The following ADGRL2 variants were observed in gnomAD, a reference collection of about 807,000 sequenced individuals.
ADGRL2 encodes calcium-independent alpha-latrotoxin receptor 2.
Under a neutral mutation model 157.4 loss-of-function variants are expected in ADGRL2, and 44 were observed. The observed-to-expected ratio is 0.28, with a 90% CI of 0.22 to 0.36. The LOEUF (loss-of-function observed/expected upper bound fraction) is 0.36, where lower values mean the gene tolerates loss of function less well. ADGRL2 is among the 10% of genes least tolerant of loss of function. The pLI is 1.00. For missense variants in ADGRL2, 1,510 were observed against 1,768.9 expected (o/e 0.85, Z 2.63); for synonymous variants, 585 against 624.7 (o/e 0.94, Z 0.95).
chr1:81,968,077 A>G lies in ADGRL2; in HGVS notation c.2401A>G (p.Thr801Ala), dbSNP rs754804002. 6.2e-7 allele frequency: 1 copy of G among 1,613,908 alleles called. No individual in the cohort carries two copies. ...CTCCTTCTGGAACTACTCAGAGAGA[A>G]CTATGATGGGATATTGGTCTACCCA... ...NCSFWNYSER[T>A]MMGYWSTQGC... Residue 801 changes from threonine (T) to alanine (A), a missense_variant, in exon 14 of 24, where the codon ACT becomes GCT. By Grantham distance (58) the Thr-to-Ala change is moderately conservative. Coordinates refer to ENST00000686636, the MANE Select transcript of ADGRL2 (RefSeq NM_001366006.2).
chr1:81,838,899 C>T (rs1241587256), intron 2 of ADGRL2, among the ~76,000 whole-genome samples: 5 of 151,730 alleles, frequency 3.3e-5, no homozygotes, highest in Non-Finnish European at 5.9e-5. Flanking sequence ...TTCCCTCCTA[C>T]GGGTAAAAAG....
intron 1 of ADGRL2, among the ~76,000 whole-genome samples, chr1:81,753,602 A>G (rs1025330394): frequency 5.9e-5 from 9 of 152,242 alleles, no homozygotes; most frequent in Non-Finnish European, 1.2e-4. Context: ...AGAAAATAGA[A>G]TAATTTTCTT....
intron 10 of ADGRL2, among the ~76,000 whole-genome samples, 200 bp downstream of exon 10, chr1:81,953,225 T>G (rs1652413135): frequency 6.6e-6 from 1 of 152,210 alleles, no homozygotes; most frequent in Admixed American, 6.5e-5. Flanking sequence ...ATTTCTGCTG[T>G]TTTTCCATTC....
chr1:81,534,442 G>A (rs1190273600), intron 2 of ADGRL2, among the ~76,000 whole-genome samples: 9 of 152,142 alleles, frequency 5.9e-5, no homozygotes, highest in African/African-American at 9.7e-5. Flanking sequence ...GGTTACAGGC[G>A]TTAGCCACCG....
chr1:81,515,555 A>T lies in ADGRL2; in HGVS notation c.-247-65321A>T, dbSNP rs575472489. On this transcript the variant is annotated intron_variant, in intron 2 of 24. Coordinates refer to the ADGRL2 transcript ENST00000370721. The stretch of plus-strand genomic sequence containing the variant: ...ATAGTAGTTGGTCATTCACTTTGCT[A>T]TGTGACTTGTATATGTGGGCTCTTT... Among the ~76,000 whole-genome samples the T allele has an allele frequency of 6.6e-5, 10 of 151,930 alleles. No individual in the cohort carries two copies. The South Asian group carries it at 2.1e-3, about 32-fold the overall frequency.
chr1:81,565,220 T>C (rs2080531075), intron 2 of ADGRL2, among the ~76,000 whole-genome samples: 1 of 152,164 alleles, frequency 6.6e-6, no homozygotes, highest in African/African-American at 2.4e-5. Context: ...AGTGCTACTA[T>C]GAAGTTTAAA....
At chr1:81,763,833 C>T (rs1368973265) in intron 2 of ADGRL2, among the ~76,000 whole-genome samples, 1 of 151,836 alleles carries the variant, frequency 6.6e-6, no homozygotes, top group Non-Finnish European at 1.5e-5. Context: ...ATGGTGAAAC[C>T]CCGTCTCTAC....
intron 3 of ADGRL2, among the ~76,000 whole-genome samples, chr1:81,622,353 C>G (rs1391774983): frequency 6.6e-6 from 1 of 152,118 alleles, no homozygotes; most frequent in Non-Finnish European, 1.5e-5. Flanking sequence ...GAGGCCGAGG[C>G]TGGCGGATCA....
intron 2 of ADGRL2, among the ~76,000 whole-genome samples, chr1:81,773,022 T>A (rs1226960307): frequency 1.3e-5 from 2 of 152,184 alleles, no homozygotes; most frequent in Non-Finnish European, 2.9e-5. Context: ...AGAAAGGAGT[T>A]GTGTTCTCAC....
rs560727403 is a variant in ADGRL2, at chr1:81,374,335, G to A, written c.-302+67826G>A. 2.1e-3 allele frequency among the ~76,000 whole-genome samples: 322 copies of A among 152,194 alleles called. 2 individuals are homozygous for A. Among genetic ancestry groups the A allele is most frequent in the Admixed American group, 5.4e-3 (82 of 15,286 alleles). On this transcript the variant is annotated intron_variant, in intron 1 of 24. Coordinates refer to the ADGRL2 transcript ENST00000370721. ...CCTATAAATCCCAGCACTTTGGGAG[G>A]CCGAGGCGGGTGGATCACCTGAGGT...
In ADGRL2 at chr1:81,993,072, TATATA is replaced by T. The variant is rs1664842001; in HGVS notation, c.*1928_*1932del. 1.6e-4 allele frequency among the ~76,000 whole-genome samples: 5 copies of T among 30,362 alleles called. No homozygotes were observed. Among genetic ancestry groups the T allele is most frequent in the East Asian group, 9.7e-4 (1 of 1,034 alleles). 19.9% of individuals were successfully genotyped at this position (30,362 alleles called of 152,430 possible). A position where few individuals can be genotyped will look rare whatever the true frequency, so the allele number is the denominator to read the frequency against. On this transcript the variant is annotated 3_prime_UTR_variant, in exon 24 of 24. Transcript: ENST00000686636. Reference sequence around the variant, plus strand: ...TATATAATATACATATATATATATATATATATATATATATATTTTTTTTTTTTTTT... The same window carrying T: ...TATATAATATACATATATATATATATTATATATATATTTTTTTTTTTTTTT...
At position 81,991,131 on chromosome 1, in the gene ADGRL2, G is replaced by A. The variant is rs748987684; in HGVS notation, c.4396G>A (p.Val1466Ile). ...TGTTAGAGAAGGACAAATGCAGCTG[G>A]TTACAAGTCTTTAATCATACAGCTA... The part of the protein sequence containing the change: ...GDVREGQMQL[V>I]TSL Residue 1466 changes from valine (V) to isoleucine (I), a missense_variant, in exon 24 of 24, where the codon GTT becomes ATT. Val to Ile is a conservative substitution (Grantham distance 29). Around this residue, in one of 4 missense-constraint regions of ADGRL2, gnomAD observed 327 missense variants for 310.1 expected, o/e 1.05. Transcript: ENST00000686636. 2 of 1,603,346 alleles carry A rather than the reference G, an allele frequency of 1.2e-6. No individual in the cohort carries two copies. Among genetic ancestry groups the A allele is most frequent in the Non-Finnish European group, 8.5e-7 (1 of 1,172,722 alleles).
chr1:81,699,535 G>A (rs558503423), upstream of ADGRL2, among the ~76,000 whole-genome samples: 2 of 152,200 alleles, frequency 1.3e-5, no homozygotes, highest in Non-Finnish European at 2.9e-5. Flanking sequence ...AGGGTTTAGA[G>A]ACAGGTGGAA....
intron 1 of ADGRL2, among the ~76,000 whole-genome samples, chr1:81,321,742 T>C (rs1576080): frequency 0.62 from 93,846 of 151,534 alleles, 29,590 homozygotes; most frequent in Middle Eastern, 0.72. Flanking sequence ...TCACAGATCA[T>C]TGTCACAGAT....
At chr1:81,526,311 A>G (rs891910971) in intron 2 of ADGRL2, among the ~76,000 whole-genome samples, 1 of 152,240 alleles carries the variant, frequency 6.6e-6, no homozygotes, top group African/African-American at 2.4e-5. Flanking sequence ...AAGTTATGAT[A>G]TAAAAACCCT....
rs140467964 is a variant in ADGRL2, at chr1:81,435,835, G to A, written c.-301-9201G>A. On this transcript the variant is annotated intron_variant, in intron 1 of 24. Transcript: ENST00000370721. ...CTTCAGACAGGGTGCGGTGGCTCAT[G>A]CCTGTAATCCCAGCACTTTGGGAGT... Among the ~76,000 whole-genome samples the A allele has an allele frequency of 9.2e-3, 1,397 of 152,298 alleles. 25 individuals are homozygous for A. The highest frequency in any genetic ancestry group is 0.032 in the African/African-American group (1,327 of 41,564).
chr1:81,759,186 C>T (rs531396814), intron 1 of ADGRL2, among the ~76,000 whole-genome samples: 46 of 152,246 alleles, frequency 3.0e-4, no homozygotes, highest in African/African-American at 9.4e-4. Context: ...GCTCTTTACA[C>T]ATCAGAGTGA....
chr1:81,951,126 G>T lies in ADGRL2; in HGVS notation c.1608+5G>T, dbSNP rs1224638146. On this transcript the variant is annotated splice_donor_5th_base_variant and intron_variant, in intron 8 of 23. Transcript: ENST00000686636. ...GTGAATCAGCTGGCTCAGAAGGTTG[G>T]TTGGAACCTTTTAATATGACACATT... is the stretch of plus-strand genomic sequence containing the variant. The T allele has an allele frequency of 6.3e-7, 1 of 1,595,514 alleles. No individual in the cohort carries two copies. Among genetic ancestry groups the T allele is most frequent in the Non-Finnish European group, 8.6e-7 (1 of 1,163,594 alleles).
intron 3 of ADGRL2, among the ~76,000 whole-genome samples, chr1:81,607,624 T>G (rs1342914731): frequency 2.0e-5 from 3 of 152,240 alleles, no homozygotes; most frequent in East Asian, 1.9e-4. Context: ...CTTTGTTTAT[T>G]TTTAACTTTT....
Sources: gnomAD v4.1 joint callset for allele counts (sites outside exome capture counted in the v4.1 genomes callset) on GRCh38, gnomAD v4.1.1 for gene constraint, gnomAD v4.1.1 regional missense constraint, MANE v1.5 for transcripts, NCBI Gene and HGNC (gene_info 2026-07-23, HGNC 2026-07-21) for gene names.